The following ADGRL3 variants were observed in gnomAD, a reference collection of about 807,000 sequenced individuals.
ADGRL3 encodes calcium-independent alpha-latrotoxin receptor 3.
Under a neutral mutation model 153.5 loss-of-function variants are expected in ADGRL3, and 62 were observed. That is an observed-to-expected ratio of 0.40 (90% confidence interval 0.33 to 0.50). The LOEUF (loss-of-function observed/expected upper bound fraction) is 0.50, where lower values mean the gene tolerates loss of function less well. Ranked by LOEUF, ADGRL3 falls within the 20% of genes least tolerant of loss-of-function variation. The pLI, the probability that ADGRL3 is intolerant of heterozygous loss-of-function variation, is 0.47. For synonymous variants in ADGRL3, 710 were observed against 672.5 expected, an observed-to-expected ratio of 1.06 and a Z score of -0.86; for missense variants, 1,641 against 1,859.4, an observed-to-expected ratio of 0.88 and a Z score of 2.16.
chr4:61,490,333 C>T (rs2098244668), intron 2 of ADGRL3, among the ~76,000 whole-genome samples: 1 of 151,638 alleles, frequency 6.6e-6, no homozygotes, highest in African/African-American at 2.4e-5. Flanking sequence ...CATTCTCTTC[C>T]TCATTGTTTC....
intron 21 of ADGRL3, 57 bp downstream of exon 21, chr4:61,998,322 A>C: frequency 1.2e-6 from 1 of 829,366 alleles, no homozygotes; most frequent in Non-Finnish European, 1.9e-6. Context: ...ACTCCAAACT[A>C]TCCTTTCTAT....
At chr4:61,909,851 CCTT>C (rs1402707287) in intron 12 of ADGRL3, 106 bp downstream of exon 12, 2 of 777,166 alleles carry the variant, frequency 2.6e-6, no homozygotes, top group Non-Finnish European at 2.0e-6. Context: ...TAATTTTCCT[CCTT>C]CTACAGAATA....
chr4:61,799,832 G>T (rs1432368458), intron 8 of ADGRL3, among the ~76,000 whole-genome samples: 2 of 151,814 alleles, frequency 1.3e-5, no homozygotes, highest in East Asian at 3.9e-4. Flanking sequence ...TCAACATTTG[G>T]GTGCTTATTA....
chr4:62,055,442 C>T (rs555999842), intron 25 of ADGRL3, among the ~76,000 whole-genome samples: 2 of 151,672 alleles, frequency 1.3e-5, no homozygotes, highest in Non-Finnish European at 3.0e-5. Flanking sequence ...AATTTAATAG[C>T]AAACTTGTTG....
intron 2 of ADGRL3, among the ~76,000 whole-genome samples, chr4:61,443,096 T>C (rs2097544374): frequency 6.6e-6 from 1 of 152,214 alleles, no homozygotes; most frequent in Non-Finnish European, 1.5e-5. Context: ...TCTGACCCTT[T>C]CTTGCCAAAT....
chr4:61,815,990 T>C (rs2097684644), intron 9 of ADGRL3, among the ~76,000 whole-genome samples: 1 of 152,234 alleles, frequency 6.6e-6, no homozygotes, highest in Non-Finnish European at 1.5e-5. Context: ...CGGACTGAGA[T>C]GGATGCTTAT....
At chr4:61,328,747 A>T (rs913939367) in intron 1 of ADGRL3, among the ~76,000 whole-genome samples, 6 of 152,128 alleles carry the variant, frequency 3.9e-5, no homozygotes, top group Non-Finnish European at 7.4e-5. Context: ...TATATTAGGG[A>T]TGTTAGATGA....
At chr4:61,398,598 C>T (rs1393135313) in intron 2 of ADGRL3, among the ~76,000 whole-genome samples, 1 of 151,558 alleles carries the variant, frequency 6.6e-6, no homozygotes, top group Non-Finnish European at 1.5e-5. Context: ...CCTTTCCTGT[C>T]TTCCCTAGGT....
chr4:61,963,201 T>G (rs921269325), intron 17 of ADGRL3, among the ~76,000 whole-genome samples: 4 of 152,040 alleles, frequency 2.6e-5, no homozygotes, highest in Non-Finnish European at 4.4e-5. Flanking sequence ...TTTCTTTGAG[T>G]TTTTTTCTGG....
At chr4:62,018,341 G>T (rs2099222830) in intron 21 of ADGRL3, among the ~76,000 whole-genome samples, 1 of 152,142 alleles carries the variant, frequency 6.6e-6, no homozygotes, top group South Asian at 2.1e-4. Flanking sequence ...TTATTGAGTA[G>T]ATCAGTTAGG....
chr4:61,883,766 TTTTC>T (rs770914846), intron 9 of ADGRL3, among the ~76,000 whole-genome samples: 1 of 152,184 alleles, frequency 6.6e-6, no homozygotes, highest in Non-Finnish European at 1.5e-5. Context: ...CAGATTTTTT[TTTTC>T]TTTCTAAGTG....
intron 5 of ADGRL3, among the ~76,000 whole-genome samples, chr4:61,640,129 G>T (rs1421545262): frequency 6.6e-6 from 1 of 151,948 alleles, no homozygotes; most frequent in Non-Finnish European, 1.5e-5. Flanking sequence ...CATTTAAACT[G>T]CTGTGACCAA....
chr4:61,424,643 G>T (rs1026053540), intron 2 of ADGRL3, among the ~76,000 whole-genome samples: 1 of 152,166 alleles, frequency 6.6e-6, no homozygotes, highest in Non-Finnish European at 1.5e-5. Flanking sequence ...CCCTATAAGG[G>T]CACAGATGCC....
chr4:61,270,438 T>A (rs753211173), intron 1 of ADGRL3, among the ~76,000 whole-genome samples: 24 of 151,822 alleles, frequency 1.6e-4, no homozygotes, highest in Non-Finnish European at 3.2e-4. Flanking sequence ...TACTATTTGT[T>A]TACTTTTCAG....
rs548646895 is a variant in ADGRL3 at position 61,855,123 on chromosome 4, A to G, written c.1481-37533A>G. ...AAAAATTAATGAAATTTTAAAAACT[A>G]TGGAGTTTAGTTAATGATAACTTAC... On this transcript the variant is annotated intron_variant, in intron 9 of 26. Transcript: ENST00000683033. Among the ~76,000 whole-genome samples the G allele has an allele frequency of 1.2e-4, 18 of 152,292 alleles. No homozygotes were observed. In the East Asian group the frequency reaches 2.1e-3, roughly 18 times the overall value.
At chr4:61,415,024 T>A (rs2097130652) in intron 2 of ADGRL3, among the ~76,000 whole-genome samples, 1 of 151,964 alleles carries the variant, frequency 6.6e-6, no homozygotes, top group Non-Finnish European at 1.5e-5. Context: ...TGAAAAGAGA[T>A]GCCTGCTTAT....
chr4:62,039,817 A>G (rs1727197205), intron 24 of ADGRL3, among the ~76,000 whole-genome samples: 1 of 152,094 alleles, frequency 6.6e-6, no homozygotes, highest in Non-Finnish European at 1.5e-5. Flanking sequence ...GATTCCCTAT[A>G]TCATCCAGCA....
intron 19 of ADGRL3, among the ~76,000 whole-genome samples, chr4:61,992,382 GTTC>G (rs2099106557): frequency 6.6e-6 from 1 of 152,138 alleles, no homozygotes; most frequent in South Asian, 2.1e-4. Flanking sequence ...CCCACATAAC[GTTC>G]TTCTCCACCT....
intron 1 of ADGRL3, among the ~76,000 whole-genome samples, chr4:61,311,841 T>C (rs1330913818): frequency 1.3e-5 from 2 of 152,132 alleles, no homozygotes; most frequent in Admixed American, 1.3e-4. Flanking sequence ...TCCAGACCCA[T>C]ATATATTTGT....
Sources: gnomAD v4.1 joint callset for allele counts (sites outside exome capture counted in the v4.1 genomes callset) on GRCh38, gnomAD v4.1.1 for gene constraint, MANE v1.5 for transcripts, NCBI Gene and HGNC (gene_info 2026-07-23, HGNC 2026-07-21) for gene names.